Variants in CTNNA3 observed in about 807,000 individuals in gnomAD.
CTNNA3 encodes the protein catenin alpha-3.
In CTNNA3, 76 loss-of-function variants were observed where a neutral mutation model predicts 95.7. That is an observed-to-expected ratio of 0.79 (90% CI 0.66 to 0.96). CTNNA3 has a LOEUF of 0.96. Among genes scored for constraint, CTNNA3 ranks in the 40% least tolerant of loss-of-function variants. CTNNA3 has a pLI of 0.00. For missense variants in CTNNA3, 1,191 were observed against 1,089.8 expected, an observed-to-expected ratio of 1.09 and a Z score of -1.31; for synonymous variants, 431 against 374.4, an observed-to-expected ratio of 1.15 and a Z score of -1.74.
intron 5 of CTNNA3, among the ~76,000 whole-genome samples, chr10:67,321,865 C>T (rs1841330426): frequency 6.6e-6 from 1 of 152,136 alleles, no homozygotes; most frequent in Non-Finnish European, 1.5e-5. Flanking sequence ...TCAACTTCTT[C>T]CATCCCTATA....
rs150316933 is a variant in CTNNA3 at position 67,058,783 on chromosome 10, C to A, written c.1047+121534G>T. 1.4e-4 allele frequency among the ~76,000 whole-genome samples: 21 copies of A among 152,234 alleles called. 1 individual carries two copies. The East Asian group carries it at 4.1e-3, about 29-fold the overall frequency. ...GTGACTAGACTTGTAATGTCTGCATCACAGAGCATCTACAAACCAGAAAAT... is the reference window on the plus strand; with the variant it reads ...GTGACTAGACTTGTAATGTCTGCATAACAGAGCATCTACAAACCAGAAAAT... On this transcript the variant is annotated intron_variant, in intron 7 of 17. Transcript: ENST00000433211.
Position 66,821,710 on chromosome 10 carries a change from A to G in CTNNA3, c.1048-46186T>C, listed in dbSNP as rs542408127. 8.5e-5 allele frequency among the ~76,000 whole-genome samples: 13 copies of G among 152,334 alleles called. 1 individual carries two copies. The East Asian group carries it at 2.1e-3, about 25-fold the overall frequency. Reference sequence around the variant, plus strand: ...TCACCTCTTTGAAGATTCCTCATGAACTTATACAGGGTTAATTGCTTCTTC... The same window carrying G: ...TCACCTCTTTGAAGATTCCTCATGAGCTTATACAGGGTTAATTGCTTCTTC... On this transcript the variant is annotated intron_variant, in intron 7 of 17. Coordinates refer to ENST00000433211, the MANE Select transcript of CTNNA3 (RefSeq NM_013266.4).
intron 12 of CTNNA3, among the ~76,000 whole-genome samples, chr10:66,354,426 C>T (rs1329545167): frequency 6.6e-6 from 1 of 151,862 alleles, no homozygotes; most frequent in Non-Finnish European, 1.5e-5. Flanking sequence ...TCATAAAGCA[C>T]ATTGTTCTGA....
At chr10:66,707,777 T>C (rs1349116084) in intron 9 of CTNNA3, among the ~76,000 whole-genome samples, 2 of 152,094 alleles carry the variant, frequency 1.3e-5, no homozygotes, top group Non-Finnish European at 2.9e-5. Context: ...CAGCTGGTGT[T>C]AACTAACCAG....
intron 15 of CTNNA3, among the ~76,000 whole-genome samples, chr10:66,067,733 T>C (rs1406334336): frequency 6.6e-6 from 1 of 151,952 alleles, no homozygotes; most frequent in Non-Finnish European, 1.5e-5. Context: ...CACACCAATA[T>C]GGTGAAACTC....
chr10:67,481,784 T>C (rs371013736), intron 5 of CTNNA3, among the ~76,000 whole-genome samples: 1 of 152,226 alleles, frequency 6.6e-6, no homozygotes, highest in South Asian at 2.1e-4. Flanking sequence ...TGGCTTTTGT[T>C]GTCATTGCTT....
At chr10:66,235,562 CTTT>C (rs1005960629) in intron 13 of CTNNA3, among the ~76,000 whole-genome samples, 1 of 149,418 alleles carries the variant, frequency 6.7e-6, no homozygotes, top group Non-Finnish European at 1.5e-5. Flanking sequence ...CTAATGCCTT[CTTT>C]AAGTGACTAG....
intron 7 of CTNNA3, among the ~76,000 whole-genome samples, chr10:67,133,719 TCA>T (rs1026088495): frequency 5.9e-5 from 9 of 152,086 alleles, no homozygotes; most frequent in African/African-American, 1.9e-4. Flanking sequence ...GTTTAAGATT[TCA>T]GAGACTGAAA....
At chr10:66,296,618 CA>C (rs2091782904) in intron 12 of CTNNA3, among the ~76,000 whole-genome samples, 1 of 151,508 alleles carries the variant, frequency 6.6e-6, no homozygotes, top group African/African-American at 2.4e-5. Flanking sequence ...TATCTATACA[CA>C]CACACACACG....
chr10:67,297,187 T>C (rs372818223), intron 5 of CTNNA3, among the ~76,000 whole-genome samples: 1 of 152,074 alleles, frequency 6.6e-6, no homozygotes, highest in Non-Finnish European at 1.5e-5. Context: ...AAACTGAGTG[T>C]CCCATTTACT....
intron 9 of CTNNA3, among the ~76,000 whole-genome samples, chr10:66,737,578 A>C (rs1413610823): frequency 3.3e-5 from 5 of 152,174 alleles, no homozygotes; most frequent in African/African-American, 1.2e-4. Context: ...ATTGAAATGC[A>C]ATTTTTTTCC....
At chr10:67,284,117 T>A (rs563964630) in intron 5 of CTNNA3, among the ~76,000 whole-genome samples, 1 of 152,292 alleles carries the variant, frequency 6.6e-6, no homozygotes, top group South Asian at 2.1e-4. Context: ...GAGAGGGAGA[T>A]GGAAATAGGG....
intron 9 of CTNNA3, among the ~76,000 whole-genome samples, chr10:66,669,352 T>C (rs1366021544): frequency 6.6e-6 from 1 of 152,096 alleles, no homozygotes; most frequent in Non-Finnish European, 1.5e-5. Flanking sequence ...GAGACCATCC[T>C]GGCCAACATG....
intron 5 of CTNNA3, among the ~76,000 whole-genome samples, chr10:67,504,172 G>A (rs1482785557): frequency 2.2e-5 from 3 of 138,344 alleles, no homozygotes; most frequent in South Asian, 2.3e-4. Context: ...AAAAAAAACA[G>A]GTCGGTGCCA....
At chr10:66,806,852 C>T (rs947979925) in intron 7 of CTNNA3, among the ~76,000 whole-genome samples, 16 of 150,308 alleles carry the variant, frequency 1.1e-4, no homozygotes, top group African/African-American at 3.9e-4. Context: ...ATATATTCGG[C>T]AAGTATTTTG....
intron 13 of CTNNA3, among the ~76,000 whole-genome samples, chr10:66,206,713 A>T (rs1034121607): frequency 1.3e-5 from 2 of 151,902 alleles, no homozygotes; most frequent in Non-Finnish European, 2.9e-5. Context: ...TTGTCATTAA[A>T]CTGGCCAATT....
At chr10:66,812,634 A>G (rs1841926180) in intron 7 of CTNNA3, among the ~76,000 whole-genome samples, 1 of 152,164 alleles carries the variant, frequency 6.6e-6, no homozygotes, top group Non-Finnish European at 1.5e-5. Flanking sequence ...ACGTTAGTAC[A>G]TAAAAAGTGC....
At chr10:66,517,385 G>T (rs1840899193) in intron 11 of CTNNA3, among the ~76,000 whole-genome samples, 1 of 152,018 alleles carries the variant, frequency 6.6e-6, no homozygotes. Flanking sequence ...TAGGAGGTCG[G>T]CACAAGATAT....
rs563745835 is a variant in CTNNA3 at position 67,516,870 on chromosome 10, C to G, written c.579+4972G>C. Among the ~76,000 whole-genome samples the G allele has an allele frequency of 9.1e-4, 138 of 152,310 alleles. 1 individual carries two copies. In the South Asian group the frequency reaches 0.028, roughly 31 times the overall value. The stretch of plus-strand genomic sequence containing the variant: ...CCATACAGTATGTGTATTTCTGTGT[C>G]TGGATTACTTTGCTTAGCAAAATGT... On this transcript the variant is annotated intron_variant, in intron 5 of 17. Transcript: ENST00000433211.
Sources: gnomAD v4.1 joint callset for allele counts (sites outside exome capture counted in the v4.1 genomes callset) on GRCh38, gnomAD v4.1.1 for gene constraint, MANE v1.5 for transcripts, NCBI Gene and HGNC (gene_info 2026-07-23, HGNC 2026-07-21) for gene names.